The following DNAH12 variants were observed in gnomAD, a reference collection of about 807,000 sequenced individuals.
The protein encoded by DNAH12 is dynein axonemal heavy chain 12, also known as axonemal beta dynein heavy chain 12.
Under a neutral mutation model 371.5 loss-of-function variants are expected in DNAH12, and 285 were observed. The ratio of observed to expected loss-of-function variants is 0.77; its 90% CI spans 0.70 to 0.85. DNAH12 has a LOEUF of 0.85. Among genes scored for constraint, DNAH12 ranks in the 40% least tolerant of loss-of-function variants. The pLI is 0.00. For missense variants in DNAH12, 3,611 were observed against 3,689.4 expected (o/e 0.98, Z 0.55); for synonymous variants, 1,200 against 1,213.0 (o/e 0.99, Z 0.22).
At chr3:57,386,001 T>G (rs1004133900) in intron 47 of DNAH12, among the ~76,000 whole-genome samples, 1 of 152,110 alleles carries the variant, frequency 6.6e-6, no homozygotes, top group Non-Finnish European at 1.5e-5. Flanking sequence ...ATATATTATG[T>G]GCATGACATG....
chr3:57,488,959 T>TGTGTGTGC (rs755824519), intron 12 of DNAH12, among the ~76,000 whole-genome samples: 1 of 151,206 alleles, frequency 6.6e-6, no homozygotes, highest in Admixed American at 6.6e-5. Context: ...TGTGTGTGTG[T>TGTGTGTGC]GCACGTGCGT....
At chr3:57,377,821 G>A (rs1250087708) in intron 52 of DNAH12, among the ~76,000 whole-genome samples, 1 of 152,118 alleles carries the variant, frequency 6.6e-6, no homozygotes, top group Non-Finnish European at 1.5e-5. Flanking sequence ...TGCTCATCAG[G>A]CTATCAAGAA....
Position 57,446,547 on chromosome 3 carries a change from G to C in DNAH12, c.3929C>G (p.Ala1310Gly), listed in dbSNP as rs559724225. 2 of 1,527,828 alleles carry C rather than the reference G, an allele frequency of 1.3e-6. No individual in the cohort carries two copies. Among genetic ancestry groups the C allele is most frequent in the African/African-American group, 2.8e-5 (2 of 72,202 alleles). The allele number at this position is 1,527,828 out of a possible 1,614,324, so 94.6% of individuals were successfully genotyped here. A position where few individuals can be genotyped will look rare whatever the true frequency, so the allele number is the denominator to read the frequency against. ...FNCSDGLDYL[A>G]MGKFFKGLAS... ...CAGCAATTTAACTACCTTTCCCATT[G>C]CTAGATAATCTAGCCCATCAGAACA... The change falls in exon 26 of 74, where the codon GCA becomes GGA. Residue 1310 changes from alanine (A) to glycine (G), a missense_variant. By Grantham distance (60) the Ala-to-Gly change is moderately conservative. Coordinates refer to ENST00000495027, the MANE Select transcript of DNAH12 (RefSeq NM_001366028.2).
chr3:57,532,972 A>G (rs1575744328), intron 2 of DNAH12, among the ~76,000 whole-genome samples: 1 of 152,316 alleles, frequency 6.6e-6, no homozygotes, highest in South Asian at 2.1e-4. Flanking sequence ...ACTGGGAGCT[A>G]GGGACTGGAG....
intron 2 of DNAH12, among the ~76,000 whole-genome samples, chr3:57,538,849 C>G (rs1430805009): frequency 6.6e-6 from 1 of 152,220 alleles, no homozygotes; most frequent in East Asian, 1.9e-4. Context: ...TAGACTTCTT[C>G]TCTTATATAT....
rs371218162 is a variant in DNAH12, at chr3:57,468,778, A to G, written c.2307T>C (p.Ile769=). ...GTTCCATGACTGTACTGCACATAGT[A>G]ATAGTAGCATTGTCTTTTGGTTCTT... ...IEEEPKDNAT[I]TMCSTVMEQI... is the part of the protein sequence containing the mutation. The change falls in exon 17 of 74, where the codon ATT becomes ATC. Residue 769 remains isoleucine, a synonymous_variant. Coordinates refer to ENST00000495027, the MANE Select transcript of DNAH12 (RefSeq NM_001366028.2). The G allele has an allele frequency of 9.2e-6, 14 of 1,527,582 alleles. No homozygotes were observed. The African/African-American group carries it at 2.0e-4, about 22-fold the overall frequency. The allele number at this position is 1,527,582 out of a possible 1,614,324, so 94.6% of individuals were successfully genotyped here. A position where few individuals can be genotyped will look rare whatever the true frequency, so the allele number is the denominator to read the frequency against.
In DNAH12 at chr3:57,293,981, A is replaced by G. The variant is rs2061176123; in HGVS notation, c.11693-10T>C. ...ATCCGAGATTTTTGAGCTTGAAAAA[A>G]AAAAAGAAATATATTCACTTGATAA... On this transcript the variant is annotated splice_polypyrimidine_tract_variant and intron_variant, in intron 73 of 73. Transcript: ENST00000495027. The G allele has an allele frequency of 7.0e-7, 1 of 1,429,224 alleles. No homozygotes were observed. The highest frequency in any genetic ancestry group is 9.2e-7 in the Non-Finnish European group (1 of 1,085,560). 88.5% of individuals were successfully genotyped at this position (1,429,224 alleles called of 1,614,324 possible).
chr3:57,350,143 G>T lies in DNAH12; in HGVS notation c.9674+1942C>A, dbSNP rs1164459434. ...ACTTTGGGGACTTGGGAGAAAGTGT[G>T]GGGGGTGGAGAGGGATAAGAGACTA... On this transcript the variant is annotated intron_variant, in intron 60 of 73. Transcript: ENST00000495027. 2.6e-5 allele frequency among the ~76,000 whole-genome samples: 4 copies of T among 152,200 alleles called. No homozygotes were observed. The East Asian group carries it at 7.7e-4, about 29-fold the overall frequency.
chr3:57,438,694 T>C (rs1192258808), intron 29 of DNAH12, among the ~76,000 whole-genome samples: 1 of 152,002 alleles, frequency 6.6e-6, no homozygotes, highest in Non-Finnish European at 1.5e-5. Flanking sequence ...GGCCCACGTC[T>C]GTAATCTCAG....
intron 60 of DNAH12, among the ~76,000 whole-genome samples, chr3:57,337,713 C>A (rs1553654229): frequency 6.6e-6 from 1 of 151,800 alleles, no homozygotes; most frequent in African/African-American, 2.4e-5. Context: ...ACCAGAGCAC[C>A]CAGATATATA....
rs117454019 is a variant in DNAH12 at position 57,313,340 on chromosome 3, G to A, written c.10662+1154C>T. 1.1e-3 allele frequency among the ~76,000 whole-genome samples: 164 copies of A among 152,044 alleles called. 1 individual carries two copies. The East Asian group carries it at 0.022, about 21-fold the overall frequency. On this transcript the variant is annotated intron_variant, in intron 66 of 73. Coordinates refer to ENST00000495027, the MANE Select transcript of DNAH12 (RefSeq NM_001366028.2). ...GCAAGACCCTGTCTCTACAAAATAC[G>A]TTTAAAAAAAACAACAACAAACTTA...
chr3:57,422,427 C>G (rs113383367), intron 35 of DNAH12, among the ~76,000 whole-genome samples: 1 of 151,990 alleles, frequency 6.6e-6, no homozygotes, highest in Non-Finnish European at 1.5e-5. Context: ...ATCTCCTGAC[C>G]CCGTGATCTG....
chr3:57,531,747 A>G (rs890489395), intron 2 of DNAH12, among the ~76,000 whole-genome samples: 1 of 137,894 alleles, frequency 7.3e-6, no homozygotes, highest in Non-Finnish European at 1.5e-5. Flanking sequence ...TGGGCGACAG[A>G]GCAAGACTCC....
intron 12 of DNAH12, among the ~76,000 whole-genome samples, chr3:57,488,403 A>C (rs1231154342): frequency 6.6e-6 from 1 of 152,096 alleles, no homozygotes; most frequent in Non-Finnish European, 1.5e-5. Flanking sequence ...CATGTTGGCC[A>C]GGCTGGTCTC....
chr3:57,412,233 C>G (rs966069920), intron 39 of DNAH12, among the ~76,000 whole-genome samples: 1 of 152,088 alleles, frequency 6.6e-6, no homozygotes, highest in Non-Finnish European at 1.5e-5. Flanking sequence ...AGACAAATAT[C>G]GTTAAACAAC....
rs554555130 is a variant in DNAH12, at chr3:57,522,174, G to A, written c.279+1409C>T. ...GGGAGATGGAGTTTGCAGTGAGCCA[G>A]GATCACGCCACTGCACTCTAGCCTG... On this transcript the variant is annotated intron_variant, in intron 4 of 73. Coordinates refer to ENST00000495027, the MANE Select transcript of DNAH12 (RefSeq NM_001366028.2). Among the ~76,000 whole-genome samples, 316 of 151,942 alleles carry A rather than the reference G, an allele frequency of 2.1e-3. 1 individual carries two copies. Among genetic ancestry groups the A allele is most frequent in the Admixed American group, 3.4e-3 (52 of 15,242 alleles).
chr3:57,551,366 G>C, the DNAH12 span, among the ~76,000 whole-genome samples: 1 of 151,732 alleles, frequency 6.6e-6, no homozygotes, highest in Non-Finnish European at 1.5e-5. Flanking sequence ...CCGCCTCCCG[G>C]GTTCACACCA....
At chr3:57,435,589 T>C (rs777656124) in intron 30 of DNAH12, among the ~76,000 whole-genome samples, 6 of 152,098 alleles carry the variant, frequency 3.9e-5, no homozygotes, top group African/African-American at 1.2e-4. Context: ...AAAAGCTGAT[T>C]GTTTTTGAGG....
intron 65 of DNAH12, among the ~76,000 whole-genome samples, chr3:57,318,374 G>A (rs781012161): frequency 6.6e-6 from 1 of 152,108 alleles, no homozygotes; most frequent in Non-Finnish European, 1.5e-5. Flanking sequence ...TCTTTTGCAT[G>A]TGGATATGCA....
Sources: allele counts gnomAD v4.1 joint callset (sites outside exome capture counted in the v4.1 genomes callset), GRCh38; gene constraint gnomAD v4.1.1; transcripts MANE v1.5; gene names NCBI Gene and HGNC (gene_info 2026-07-23, HGNC 2026-07-21).